The following HTT variants were observed in gnomAD, a reference collection of about 807,000 sequenced individuals.
The protein encoded by HTT is huntingtin.
In HTT, 104 loss-of-function variants were observed where a neutral mutation model predicts 362.3. That is an observed-to-expected ratio of 0.29 (90% CI 0.24 to 0.34). The LOEUF is 0.34. Ranked by LOEUF, HTT falls within the 10% of genes least tolerant of loss-of-function variation. The pLI is 1.00. For synonymous variants in HTT, 1,577 were observed against 1,548.7 expected (o/e 1.02, Z -0.43); for missense variants, 3,301 against 3,928.6 (o/e 0.84, Z 4.27).
intron 1 of HTT, among the ~76,000 whole-genome samples, chr4:3,078,901 AT>A (rs978851630): frequency 2.0e-5 from 3 of 152,070 alleles, no homozygotes; most frequent in Non-Finnish European, 4.4e-5. Context: ...CGTCCAGCTA[AT>A]TTTTTTGTAT....
Position 3,173,136 on chromosome 4 carries a change from C to T in HTT, c.4166+5C>T. 6.2e-7 allele frequency: 1 copy of T among 1,610,884 alleles called. No homozygotes were observed. Among genetic ancestry groups the T allele is most frequent in the Non-Finnish European group, 8.5e-7 (1 of 1,177,566 alleles). On this transcript the variant is annotated splice_donor_5th_base_variant and intron_variant, in intron 31 of 66. Coordinates refer to ENST00000355072, the MANE Select transcript of HTT (RefSeq NM_001388492.1). ...GCAGGAGAACGACACCTCGGGGTAACAGTTGTGGCAAGAATGCTGTCGTTG... is the reference window on the plus strand; with the variant it reads ...GCAGGAGAACGACACCTCGGGGTAATAGTTGTGGCAAGAATGCTGTCGTTG...
In HTT at chr4:3,142,825, T is replaced by G. The variant is rs1716413654; in HGVS notation, c.3005T>G (p.Leu1002Arg). 1 of 1,600,052 alleles carries G rather than the reference T, an allele frequency of 6.2e-7. No individual in the cohort carries two copies. Among genetic ancestry groups the G allele is most frequent in the African/African-American group, 1.3e-5 (1 of 74,616 alleles). ...SITDVTMENN[L>R]SRVIAAVSHE... ...ACAGACGTCACTATGGAAAATAACC[T>G]TTCAAGAGTTATTGCAGCAGTTTCT... is the stretch of plus-strand genomic sequence containing the variant. The change falls in exon 23 of 67, where the codon CTT becomes CGT. Residue 1002 changes from leucine to arginine, a missense_variant. Physicochemically the swap from Leu to Arg is moderately radical, Grantham distance 102 (BLOSUM62 -2). Around this residue, in one of 4 missense-constraint regions of HTT, gnomAD observed 2,316 missense variants for 2,658.5 expected, o/e 0.87. Transcript: ENST00000355072.
chr4:3,094,451 C>A (rs549051178), intron 2 of HTT, among the ~76,000 whole-genome samples: 4 of 152,020 alleles, frequency 2.6e-5, no homozygotes, highest in Admixed American at 1.3e-4. Flanking sequence ...GATGGGGTGG[C>A]GGCCGGGCAG....
At chr4:3,223,662 A>C (rs82333) in intron 55 of HTT, 102 bp downstream of exon 55, 32 of 1,081,904 alleles carry the variant, frequency 3.0e-5, no homozygotes, top group Non-Finnish European at 4.2e-5. Flanking sequence ...GTTTTCCTTC[A>C]TTGCTAGAAT....
chr4:3,084,804 G>A lies in HTT; in HGVS notation c.264-2135G>A, dbSNP rs542041321. ...CGAGATGGGCAGATCACGAGGTCAGGAGATCCAGACCATCCCGGCTAACAC... is the reference window on the plus strand; with the variant it reads ...CGAGATGGGCAGATCACGAGGTCAGAAGATCCAGACCATCCCGGCTAACAC... On this transcript the variant is annotated intron_variant, in intron 1 of 66. Coordinates refer to ENST00000355072, the MANE Select transcript of HTT (RefSeq NM_001388492.1). Among the ~76,000 whole-genome samples, 217 of 151,978 alleles carry A rather than the reference G, an allele frequency of 1.4e-3. 3 individuals carry two copies. The highest frequency in any genetic ancestry group is 5.0e-3 in the African/African-American group (209 of 41,470).
chr4:3,234,386 C>T (rs944486792), intron 61 of HTT, among the ~76,000 whole-genome samples: 1 of 152,250 alleles, frequency 6.6e-6, no homozygotes, highest in African/African-American at 2.4e-5. Flanking sequence ...GGACGGCTGG[C>T]AACTGTCTCT....
rs777646822 is a variant in HTT, at chr4:3,176,025, G to GTTTTTTTTTTTTT, written c.4407+927_4407+928insTTTTTTTTTTTTT. On this transcript the variant is annotated intron_variant, in intron 33 of 66. Transcript: ENST00000355072. ...CTTGTTTTTTTTGTTGTTGTTGTTT[G>GTTTTTTTTTTTTT]TTTTTTTTTGTTTTTTTTTTGAGAT... 2.6e-4 allele frequency among the ~76,000 whole-genome samples: 36 copies of GTTTTTTTTTTTTT among 139,196 alleles called. 2 individuals carry two copies. The highest frequency in any genetic ancestry group is 6.5e-4 in the African/African-American group (22 of 33,748). 91.3% of individuals were successfully genotyped at this position (139,196 alleles called of 152,430 possible).
In HTT at chr4:3,075,133, G is replaced by T. The variant is rs929773713; in HGVS notation, c.263+45G>T. 49 of 1,210,218 alleles carry T rather than the reference G, an allele frequency of 4.0e-5. No individual in the cohort carries two copies. In the African/African-American group the frequency reaches 7.4e-4, roughly 18 times the overall value. The allele number at this position is 1,210,218 out of a possible 1,614,324, so 75.0% of individuals were successfully genotyped here. ...AGCTCCCTGTCCCGGCGGGTCCCAG[G>T]CTACGGCGGGGATGGCGGTAACCCT... On this transcript the variant is annotated intron_variant, in intron 1 of 66. Transcript: ENST00000355072.
At position 3,206,435 on chromosome 4, in the gene HTT, A is replaced by G. The variant is rs558497416; in HGVS notation, c.5719-61A>G. On this transcript the variant is annotated intron_variant, in intron 42 of 66. Coordinates refer to ENST00000355072, the MANE Select transcript of HTT (RefSeq NM_001388492.1). This position sits in a 1 kb window ranked among gnomAD's most constrained non-coding sequence, Gnocchi z 4.6. ...TTACCCTTTCTGGCCTTTCTATGGC[A>G]TTAATACCTGGTCTCTTCTTGTGTA... 1.9e-5 allele frequency: 26 copies of G among 1,362,714 alleles called. No homozygotes were observed. In the East Asian group the frequency reaches 2.1e-4, roughly 11 times the overall value. The allele number at this position is 1,362,714 out of a possible 1,614,324, so 84.4% of individuals were successfully genotyped here. A position where few individuals can be genotyped will look rare whatever the true frequency, so the allele number is the denominator to read the frequency against.
In HTT at chr4:3,127,425, A is replaced by G; in HGVS notation, c.1564A>G (p.Thr522Ala). 1.2e-6 allele frequency: 2 copies of G among 1,614,164 alleles called. No individual in the cohort carries two copies. Among genetic ancestry groups the G allele is most frequent in the Non-Finnish European group, 1.7e-6 (2 of 1,180,016 alleles). Residue 522 changes from threonine to alanine, a missense_variant, in exon 12 of 67, where the codon ACT (threonine) becomes GCT (alanine). Thr to Ala is a moderately conservative substitution (Grantham distance 58). Transcript: ENST00000355072. ...LASCDLTSSATDGDEEDILSH... is the reference protein window; with the variant it reads ...LASCDLTSSAADGDEEDILSH... The stretch of plus-strand genomic sequence containing the variant: ...CAGCTGTGACTTGACAAGCTCTGCC[A>G]CTGATGGGGATGAGGAGGATATCTT...
At position 3,123,691 on chromosome 4, in the gene HTT, T is replaced by TA. The variant is rs542694871; in HGVS notation, c.1321+766dup. 1.1e-3 allele frequency among the ~76,000 whole-genome samples: 158 copies of TA among 147,200 alleles called. No homozygotes were observed. The East Asian group carries it at 0.015, about 14-fold the overall frequency. On this transcript the variant is annotated intron_variant, in intron 10 of 66. Transcript: ENST00000355072. Reference sequence around the variant, plus strand: ...GGCAACAGAATGAGACCTTGTGTCTTAAAAAAAAAAAGTTTCCTTTGTTGG... The same window carrying TA: ...GGCAACAGAATGAGACCTTGTGTCTTAAAAAAAAAAAAGTTTCCTTTGTTGG...
chr4:3,131,182 C>T (rs1715795429), intron 14 of HTT, 104 bp from the exon 15 acceptor site: 2 of 849,596 alleles, frequency 2.4e-6, no homozygotes, highest in African/African-American at 1.6e-5. Context: ...TCTTTATCCC[C>T]AGCACCTGGC....
rs1237679058 is a variant in HTT, at chr4:3,127,569, G to C, written c.1708G>C (p.Asp570His). The C allele has an allele frequency of 6.2e-7, 1 of 1,613,958 alleles. No homozygotes were observed. Among genetic ancestry groups the C allele is most frequent in the East Asian group, 2.2e-5 (1 of 44,882 alleles). The change falls in exon 12 of 67, where the codon GAT (aspartate) becomes CAT (histidine). Residue 570 changes from aspartate (D) to histidine (H), a missense_variant. Coordinates refer to ENST00000355072, the MANE Select transcript of HTT (RefSeq NM_001388492.1). Reference sequence around the variant, plus strand: ...CTCCCAGACCACCACCGAAGGGCCTGATTCAGCTGTTACCCCTTCAGACAG... The same window carrying C: ...CTCCCAGACCACCACCGAAGGGCCTCATTCAGCTGTTACCCCTTCAGACAG... ...DSSQTTTEGP[D>H]SAVTPSDSSE...
intron 2 of HTT, among the ~76,000 whole-genome samples, chr4:3,096,644 GAA>G (rs1308439609): frequency 6.6e-6 from 1 of 152,204 alleles, no homozygotes; most frequent in Non-Finnish European, 1.5e-5. Flanking sequence ...AGGGAAATTT[GAA>G]AGTCTTTTGG....
At chr4:3,194,488 A>G (rs974761824) in intron 40 of HTT, among the ~76,000 whole-genome samples, 4 of 152,242 alleles carry the variant, frequency 2.6e-5, no homozygotes, top group Admixed American at 2.0e-4. Flanking sequence ...TTTGTTGTCC[A>G]TGTGGCTGAA....
At chr4:3,077,578 T>C (rs1712625806) in intron 1 of HTT, among the ~76,000 whole-genome samples, 1 of 152,090 alleles carries the variant, frequency 6.6e-6, no homozygotes, top group South Asian at 2.1e-4. Flanking sequence ...CACCACCATG[T>C]CCAGCTAATT....
Position 3,199,956 on chromosome 4 carries a change from C to A in HTT, c.5576+17C>A. On this transcript the variant is annotated intron_variant, in intron 41 of 66. Transcript: ENST00000355072. ...GACCCCGAAGTAGGTTCATAATGCC[C>A]CACAGCCCAGGGCGCCAGCCCAGCA... 1 of 1,602,402 alleles carries A rather than the reference C, an allele frequency of 6.2e-7. No homozygotes were observed. Among genetic ancestry groups the A allele is most frequent in the African/African-American group, 1.3e-5 (1 of 74,802 alleles).
chr4:3,130,084 T>G, intron 13 of HTT, 37 bp downstream of exon 13: 1 of 1,549,324 alleles, frequency 6.5e-7, no homozygotes, highest in Non-Finnish European at 8.7e-7. Context: ...CAAAGTGGTT[T>G]GTATTCAGAC....
intron 60 of HTT, among the ~76,000 whole-genome samples, chr4:3,230,261 G>A (rs748023515): frequency 1.3e-5 from 2 of 152,168 alleles, no homozygotes; most frequent in Non-Finnish European, 2.9e-5. Context: ...GGGTTGTGGC[G>A]GCCAAGCCAT....
Sources: gnomAD v4.1 joint callset for allele counts (sites outside exome capture counted in the v4.1 genomes callset) on GRCh38, gnomAD v4.1.1 for gene constraint, gnomAD v4.1.1 regional missense constraint, Gnocchi (gnomAD v3.1) non-coding constraint, MANE v1.5 for transcripts, NCBI Gene and HGNC (gene_info 2026-07-23, HGNC 2026-07-21) for gene names.